The following GRM5 variants were observed in gnomAD, a reference collection of about 807,000 sequenced individuals.
The protein encoded by GRM5 is metabotropic glutamate receptor 5.
Under a neutral mutation model 83.1 loss-of-function variants are expected in GRM5, and 19 were observed. That is an observed-to-expected ratio of 0.23 (90% CI 0.16 to 0.34). The LOEUF is 0.34. GRM5 is among the 10% of genes least tolerant of loss of function. The pLI, the probability that GRM5 is intolerant of heterozygous loss-of-function variation, is 1.00. For synonymous variants in GRM5, 675 were observed against 633.6 expected, an observed-to-expected ratio of 1.07 and a Z score of -0.98; for missense variants, 1,160 against 1,588.3, an observed-to-expected ratio of 0.73 and a Z score of 4.58.
intron 7 of GRM5, among the ~76,000 whole-genome samples, chr11:88,568,208 T>C (rs542376407): frequency 3.9e-5 from 6 of 152,192 alleles, no homozygotes; most frequent in Non-Finnish European, 7.3e-5. Flanking sequence ...ATAGGAACTA[T>C]TCTAGGTTCT....
intron 3 of GRM5, among the ~76,000 whole-genome samples, chr11:88,726,365 G>A (rs893896330): frequency 6.6e-6 from 1 of 152,034 alleles, no homozygotes; most frequent in Non-Finnish European, 1.5e-5. Context: ...AACGAACAAA[G>A]CCTCCAAGAT....
At chr11:88,670,465 GAGA>G (rs1940162519) in intron 3 of GRM5, among the ~76,000 whole-genome samples, 2 of 151,820 alleles carry the variant, frequency 1.3e-5, no homozygotes, top group South Asian at 4.2e-4. Flanking sequence ...CACAAATTAG[GAGA>G]AGATCTTGTA....
intron 3 of GRM5, among the ~76,000 whole-genome samples, chr11:88,694,380 C>G (rs1940854056): frequency 6.6e-6 from 1 of 151,962 alleles, no homozygotes; most frequent in South Asian, 2.1e-4. Context: ...CAGGAGAGAG[C>G]AGCATAGGCA....
chr11:88,849,204 C>CAT (rs1286857734), intron 3 of GRM5, among the ~76,000 whole-genome samples: 1 of 151,968 alleles, frequency 6.6e-6, no homozygotes, highest in Non-Finnish European at 1.5e-5. Flanking sequence ...TATACATACA[C>CAT]ATATATATGT....
chr11:88,690,841 T>C (rs1014439201), intron 3 of GRM5, among the ~76,000 whole-genome samples: 7 of 152,248 alleles, frequency 4.6e-5, no homozygotes, highest in Non-Finnish European at 7.3e-5. Flanking sequence ...GGAAATTCTA[T>C]AATTGTGGAA....
At chr11:88,990,095 C>G (rs1010875510) in intron 2 of GRM5, among the ~76,000 whole-genome samples, 1 of 140,158 alleles carries the variant, frequency 7.1e-6, no homozygotes, top group African/African-American at 2.7e-5. Flanking sequence ...AAAGGATCAA[C>G]AAAATTGATA....
At chr11:88,652,250 G>A (rs1352006907) in intron 4 of GRM5, among the ~76,000 whole-genome samples, 1 of 151,952 alleles carries the variant, frequency 6.6e-6, no homozygotes, top group Non-Finnish European at 1.5e-5. Flanking sequence ...AAATGCATAT[G>A]GGTTTCTTAT....
At chr11:89,064,091 ATCT>A (rs943260990) in intron 1 of GRM5, among the ~76,000 whole-genome samples, 34 of 152,250 alleles carry the variant, frequency 2.2e-4, no homozygotes, top group African/African-American at 6.5e-4. Flanking sequence ...AATATCCATT[ATCT>A]TCTTCTTCCT....
intron 4 of GRM5, among the ~76,000 whole-genome samples, chr11:88,611,037 A>C (rs184169747): frequency 6.6e-6 from 1 of 152,132 alleles, no homozygotes; most frequent in African/African-American, 2.4e-5. Context: ...TGCGTATGTT[A>C]AACCAACCAT....
intron 3 of GRM5, among the ~76,000 whole-genome samples, chr11:88,782,618 AC>A (rs1161869480): frequency 6.6e-6 from 1 of 152,062 alleles, no homozygotes. Flanking sequence ...CTTCCATATC[AC>A]CTTATATATA....
At chr11:88,931,116 A>G (rs16915120) in intron 2 of GRM5, among the ~76,000 whole-genome samples, 17,312 of 151,996 alleles carry the variant, frequency 0.11, 1,593 homozygotes, top group East Asian at 0.27. Context: ...AGGTAAATAC[A>G]TGACTATTTT....
chr11:88,747,223 C>T (rs892348127), intron 3 of GRM5, among the ~76,000 whole-genome samples: 1 of 152,018 alleles, frequency 6.6e-6, no homozygotes, highest in Non-Finnish European at 1.5e-5. Context: ...GCTCATTTTT[C>T]CACAAACTCT....
chr11:88,713,931 T>C (rs1317362726), intron 3 of GRM5, among the ~76,000 whole-genome samples: 1 of 151,940 alleles, frequency 6.6e-6, no homozygotes, highest in African/African-American at 2.4e-5. Flanking sequence ...GAAAGCAAAA[T>C]ATATTTCAAG....
intron 3 of GRM5, among the ~76,000 whole-genome samples, chr11:88,744,666 G>A (rs1942096385): frequency 1.3e-5 from 2 of 152,088 alleles, no homozygotes; most frequent in Non-Finnish European, 2.9e-5. Context: ...GTGTCCTACT[G>A]CACCATGATG....
intron 6 of GRM5, among the ~76,000 whole-genome samples, chr11:88,591,757 G>A (rs1417566474): frequency 1.3e-5 from 2 of 152,158 alleles, no homozygotes; most frequent in African/African-American, 4.8e-5. Context: ...AAAAATACAA[G>A]CAGGGAATAA....
chr11:88,690,649 G>A (rs1489699251), intron 3 of GRM5, among the ~76,000 whole-genome samples: 3 of 152,152 alleles, frequency 2.0e-5, no homozygotes, highest in East Asian at 1.9e-4. Context: ...GTGTGGAGAT[G>A]CCTCAAATGA....
At chr11:88,966,807 T>A (rs1938982793) in intron 2 of GRM5, among the ~76,000 whole-genome samples, 1 of 152,140 alleles carries the variant, frequency 6.6e-6, no homozygotes, top group African/African-American at 2.4e-5. Context: ...TGTACACAAA[T>A]GATTGGCTGA....
intron 1 of GRM5, among the ~76,000 whole-genome samples, chr11:89,051,752 A>C (rs188331448): frequency 2.8e-4 from 42 of 152,318 alleles, no homozygotes; most frequent in Non-Finnish European, 5.3e-4. Flanking sequence ...ACAGAAAGCC[A>C]TTGAGGAGAT....
intron 3 of GRM5, among the ~76,000 whole-genome samples, chr11:88,775,756 G>C (rs1425426250): frequency 2.0e-5 from 3 of 152,180 alleles, no homozygotes; most frequent in Non-Finnish European, 4.4e-5. Context: ...AGTTTTGAGT[G>C]AGTTTATTAA....
Sources: gnomAD v4.1 joint callset for allele counts (sites outside exome capture counted in the v4.1 genomes callset) on GRCh38, gnomAD v4.1.1 for gene constraint, MANE v1.5 for transcripts, NCBI Gene and HGNC (gene_info 2026-07-23, HGNC 2026-07-21) for gene names.